DYNC1H1: variants seen among roughly 807,000 people sequenced by gnomAD.
DYNC1H1 encodes the protein cytoplasmic dynein 1 heavy chain 1.
In DYNC1H1, 51 loss-of-function variants were observed where a neutral mutation model predicts 527.1. That is an observed-to-expected ratio of 0.10 (90% CI 0.08 to 0.12). DYNC1H1 has a LOEUF of 0.12. Among genes scored for constraint, DYNC1H1 ranks in the 10% least tolerant of loss-of-function variants. The pLI is 1.00. For synonymous variants in DYNC1H1, 2,189 were observed against 2,278.8 expected (o/e 0.96, Z 1.12); for missense variants, 2,771 against 5,971.8 (o/e 0.46, Z 17.66).
In DYNC1H1 at chr14:102,041,596, C is replaced by G; in HGVS notation, c.11964C>G (p.His3988Gln). ...CAGCACCCATTGGCCAGGCCATCCA[C>G]CGCCTGCTCCTGATCCAGGCTTTCC... ...TPATPIGQAI[H>Q]RLLLIQAFRP... The change falls in exon 65 of 78, where the codon CAC becomes CAG. Residue 3988 changes from histidine to glutamine, a missense_variant. Around this residue, in one of 32 missense-constraint regions of DYNC1H1, gnomAD observed 120 missense variants for 161.9 expected, o/e 0.74. Coordinates refer to ENST00000360184, the MANE Select transcript of DYNC1H1 (RefSeq NM_001376.5). This position sits in a 1 kb window ranked among gnomAD's most constrained non-coding sequence, Gnocchi z 4.5. 1 of 1,614,136 alleles carries G rather than the reference C, an allele frequency of 6.2e-7. No homozygotes were observed. Among genetic ancestry groups the G allele is most frequent in the Non-Finnish European group, 8.5e-7 (1 of 1,180,044 alleles).
chr14:102,021,581 CG>C (rs2048384274), intron 42 of DYNC1H1, among the ~76,000 whole-genome samples: 1 of 152,020 alleles, frequency 6.6e-6, no homozygotes, highest in South Asian at 2.1e-4. Context: ...GTCACAGTCT[CG>C]CCTGCTTGCC....
In DYNC1H1 at chr14:101,986,112, G is replaced by A. The variant is rs777262223; in HGVS notation, c.1887G>A (p.Gln629=). The A allele has an allele frequency of 2.5e-6, 4 of 1,614,244 alleles. No individual in the cohort carries two copies. Among genetic ancestry groups the A allele is most frequent in the Non-Finnish European group, 3.4e-6 (4 of 1,180,036 alleles). ...ACAAGTTCAAGGTCCAGTACCCACA[G>A]AGTCAGGCTTGTAAGATGAGTCACG... ...LHDKFKVQYP[Q]SQACKMSHVR... Residue 629 remains glutamine (Q), a synonymous_variant, in exon 8 of 78, where the codon CAG becomes CAA. Coordinates refer to ENST00000360184, the MANE Select transcript of DYNC1H1 (RefSeq NM_001376.5). This position sits in a 1 kb window ranked among gnomAD's most constrained non-coding sequence, Gnocchi z 8.7.
rs766364295 is a variant in DYNC1H1, at chr14:101,995,331, G to T, written c.3564+31G>T. On this transcript the variant is annotated intron_variant, in intron 15 of 77. Coordinates refer to ENST00000360184, the MANE Select transcript of DYNC1H1 (RefSeq NM_001376.5). Reference sequence around the variant, plus strand: ...CTCTGTGCATATTTAAAAATTTTTGGCTGGGCGTGGTGGCTCACGCCTGTA... The same window carrying T: ...CTCTGTGCATATTTAAAAATTTTTGTCTGGGCGTGGTGGCTCACGCCTGTA... The T allele has an allele frequency of 3.7e-6, 6 of 1,613,036 alleles. No homozygotes were observed. The Admixed American group carries it at 1.0e-4, about 27-fold the overall frequency.
chr14:102,027,479 G>A lies in DYNC1H1; in HGVS notation c.8983G>A (p.Asp2995Asn). 6.2e-7 allele frequency: 1 copy of A among 1,614,122 alleles called. No individual in the cohort carries two copies. Among genetic ancestry groups the A allele is most frequent in the Non-Finnish European group, 8.5e-7 (1 of 1,180,030 alleles). ...AAATGAAAAGATAGCATTTATAATG[G>A]ATGAATCTAATGTGTTAGATTCTGG... is the stretch of plus-strand genomic sequence containing the variant. The part of the protein sequence containing the change: ...CKNEKIAFIM[D>N]ESNVLDSGFL... Residue 2995 changes from aspartate (D) to asparagine (N), a missense_variant, in exon 46 of 78, where the codon GAT (aspartate) becomes AAT (asparagine). Asp to Asn is a conservative substitution (Grantham distance 23). This residue lies in a region of DYNC1H1 where 84 missense variants were observed against 285.4 expected (regional missense o/e 0.29). Coordinates refer to ENST00000360184, the MANE Select transcript of DYNC1H1 (RefSeq NM_001376.5). The surrounding 1 kb of genome is among the most constrained non-coding windows in gnomAD (Gnocchi z 7.7).
In DYNC1H1 at chr14:102,022,791, A is replaced by G; in HGVS notation, c.8548A>G (p.Ile2850Val). 6.2e-7 allele frequency: 1 copy of G among 1,614,236 alleles called. No homozygotes were observed. The highest frequency in any genetic ancestry group is 1.3e-5 in the African/African-American group (1 of 75,062). The change falls in exon 43 of 78, where the codon ATC becomes GTC. Residue 2850 changes from isoleucine (I) to valine (V), a missense_variant. Ile to Val is a conservative substitution (Grantham distance 29). Transcript: ENST00000360184. Reference sequence around the variant, plus strand: ...GGAGAGGCGTTGGACTGATGAGAACATCGACACGGTTGCTCTGAAGCACTT... The same window carrying G: ...GGAGAGGCGTTGGACTGATGAGAACGTCGACACGGTTGCTCTGAAGCACTT... ...DEERRWTDEN[I>V]DTVALKHFPN...
At chr14:102,034,850 C>G (rs2048553610) in intron 56 of DYNC1H1, 1 of 328,432 alleles carries the variant, frequency 3.0e-6, no homozygotes, top group African/African-American at 2.2e-5. Flanking sequence ...CTCTTGAACC[C>G]AGGAGGCAGA....
chr14:102,045,273 A>C (rs1243027866), intron 72 of DYNC1H1: 5 of 158,754 alleles, frequency 3.1e-5, no homozygotes, highest in African/African-American at 1.2e-4. Flanking sequence ...ACTCTACTCT[A>C]GCCTGGGCAA....
chr14:102,048,439 G>C, intron 73 of DYNC1H1, 77 bp from the exon 74 acceptor site: 3 of 1,599,390 alleles, frequency 1.9e-6, no homozygotes, highest in South Asian at 1.1e-5. Context: ...CCCGGAGGCC[G>C]AGTTACTTCT....
At chr14:102,013,731 C>T (rs568976339) in intron 34 of DYNC1H1, among the ~76,000 whole-genome samples, 6 of 152,218 alleles carry the variant, frequency 3.9e-5, no homozygotes, top group African/African-American at 4.8e-5. Context: ...CATGAAGATC[C>T]GTCTGGCTGC....
At chr14:102,030,490 A>G (rs887716239) in intron 51 of DYNC1H1, 7 of 658,968 alleles carry the variant, frequency 1.1e-5, no homozygotes, top group Non-Finnish European at 1.7e-5. Context: ...GCTAGATTGT[A>G]TTTACCATAG....
In DYNC1H1 at chr14:102,004,898, A is replaced by C; in HGVS notation, c.5186A>C (p.Lys1729Thr). ...GTTACGGAAGTTGAGATTTTTGGTAAAGCAACTTCAATTGACCCAAATACC... is the reference window on the plus strand; with the variant it reads ...GTTACGGAAGTTGAGATTTTTGGTACAGCAACTTCAATTGACCCAAATACC... ...ESVTEVEIFGKATSIDPNTYI... is the reference protein window; with the variant it reads ...ESVTEVEIFGTATSIDPNTYI... The change falls in exon 25 of 78, where the codon AAA becomes ACA. Residue 1729 changes from lysine (K) to threonine (T), a missense_variant. Lys to Thr is a moderately conservative substitution (Grantham distance 78). Around this residue, in one of 32 missense-constraint regions of DYNC1H1, gnomAD observed 105 missense variants for 138.1 expected, o/e 0.76. Transcript: ENST00000360184. 6.2e-7 allele frequency: 1 copy of C among 1,614,228 alleles called. No homozygotes were observed. Among genetic ancestry groups the C allele is most frequent in the South Asian group, 1.1e-5 (1 of 91,086 alleles).
In DYNC1H1 at chr14:101,965,264, T is replaced by A. The variant is rs945109032; in HGVS notation, c.256+317T>A. ...CCCCGTCTGCCGTCACCCAAAACAATGGGGTCGCTTTGTCTGCTCGGGCCT... is the reference window on the plus strand; with the variant it reads ...CCCCGTCTGCCGTCACCCAAAACAAAGGGGTCGCTTTGTCTGCTCGGGCCT... On this transcript the variant is annotated intron_variant, in intron 1 of 77. Coordinates refer to ENST00000360184, the MANE Select transcript of DYNC1H1 (RefSeq NM_001376.5). The surrounding 1 kb of genome is among the most constrained non-coding windows in gnomAD (Gnocchi z 4.1). Among the ~76,000 whole-genome samples, 1 of 152,094 alleles carries A rather than the reference T, an allele frequency of 6.6e-6. No homozygotes were observed. Among genetic ancestry groups the A allele is most frequent in the African/African-American group, 2.4e-5 (1 of 41,432 alleles).
Position 102,032,348 on chromosome 14 carries a change from G to C in DYNC1H1, c.9960G>C (p.Ala3320=). ...ACCCTCCTGCTGCTGTGAAGCTGGC[G>C]CTGGAGTCCATCTGCCTGCTGCTGG... ...MANPPAAVKL[A]LESICLLLGE... Residue 3320 remains alanine (A), a synonymous_variant, in exon 52 of 78, where the codon GCG becomes GCC. Coordinates refer to ENST00000360184, the MANE Select transcript of DYNC1H1 (RefSeq NM_001376.5). 1 of 1,614,214 alleles carries C rather than the reference G, an allele frequency of 6.2e-7. No homozygotes were observed. The highest frequency in any genetic ancestry group is 1.3e-5 in the African/African-American group (1 of 75,058).
Position 102,022,794 on chromosome 14 carries a change from G to C in DYNC1H1, c.8551G>C (p.Asp2851His), listed in dbSNP as rs780522040. 6.2e-7 allele frequency: 1 copy of C among 1,614,170 alleles called. No individual in the cohort carries two copies. Among genetic ancestry groups the C allele is most frequent in the Non-Finnish European group, 8.5e-7 (1 of 1,180,032 alleles). The change falls in exon 43 of 78, where the codon GAC becomes CAC. Residue 2851 changes from aspartate (D) to histidine (H), a missense_variant. Asp to His is a moderately conservative substitution (Grantham distance 81). Coordinates refer to ENST00000360184, the MANE Select transcript of DYNC1H1 (RefSeq NM_001376.5). ...EERRWTDENI[D>H]TVALKHFPNI... ...GAGGCGTTGGACTGATGAGAACATC[G>C]ACACGGTTGCTCTGAAGCACTTCCC...
chr14:101,994,953 C>T (rs2048041764), intron 13 of DYNC1H1, 33 bp from the exon 14 acceptor site: 2 of 1,613,172 alleles, frequency 1.2e-6, no homozygotes, highest in Admixed American at 3.3e-5. Context: ...CAGGAAAGAG[C>T]TGATGATGTG....
At chr14:102,009,658 A>G (rs959060767) in intron 29 of DYNC1H1, 185 bp from the exon 30 acceptor site, 13 of 855,708 alleles carry the variant, frequency 1.5e-5, no homozygotes, top group Non-Finnish European at 1.8e-5. Context: ...GAATGGGTCC[A>G]CCTGGGCTGG....
intron 4 of DYNC1H1, 103 bp downstream of exon 4, chr14:101,980,077 G>C: frequency 1.3e-6 from 2 of 1,550,192 alleles, no homozygotes; most frequent in South Asian, 2.3e-5. Context: ...GTGATAACTT[G>C]TTAGTGGTGC....
chr14:102,040,028 A>G (rs2048627165), intron 62 of DYNC1H1, among the ~76,000 whole-genome samples: 1 of 152,072 alleles, frequency 6.6e-6, no homozygotes, highest in Non-Finnish European at 1.5e-5. Flanking sequence ...TTTAGTAGAG[A>G]CGGGTTTTCT....
At chr14:102,040,498 A>G (rs2048635366) in intron 63 of DYNC1H1, 88 bp downstream of exon 63, 3 of 1,612,568 alleles carry the variant, frequency 1.9e-6, no homozygotes, top group Non-Finnish European at 2.5e-6. Flanking sequence ...AAAACCCAGA[A>G]TGTTGTGTCT....
Sources: allele counts gnomAD v4.1 joint callset (sites outside exome capture counted in the v4.1 genomes callset), GRCh38; gene constraint gnomAD v4.1.1; regional missense constraint gnomAD v4.1.1; non-coding constraint Gnocchi (gnomAD v3.1); transcripts MANE v1.5; gene names NCBI Gene and HGNC (gene_info 2026-07-23, HGNC 2026-07-21).